Variants in AKAP19 observed in about 807,000 individuals in gnomAD.
AKAP19 encodes the protein A-kinase anchoring protein 19.
the AKAP19 span, among the ~76,000 whole-genome samples, chr2:190,009,339 C>T: frequency 1.3e-5 from 2 of 152,098 alleles, no homozygotes; most frequent in Admixed American, 1.3e-4. Flanking sequence ...TTTAGGATAT[C>T]GTGGTGGCTC....
the AKAP19 span, among the ~76,000 whole-genome samples, chr2:190,118,342 A>G: frequency 1.3e-5 from 2 of 152,250 alleles, no homozygotes; most frequent in African/African-American, 2.4e-5. Context: ...ATAGAAAAAG[A>G]GGGAATCCTC....
the AKAP19 span, among the ~76,000 whole-genome samples, chr2:189,934,614 T>C: frequency 1.9e-3 from 284 of 151,918 alleles, no homozygotes; most frequent in African/African-American, 6.4e-3. Flanking sequence ...ATACTTAGTT[T>C]TACATAATCT....
chr2:190,060,040 G>T, the AKAP19 span: 1 of 1,604,870 alleles, frequency 6.2e-7, no homozygotes, highest in Admixed American at 1.7e-5. Context: ...TTATTATAAT[G>T]TTATTTTCAG....
chr2:190,036,377 T>C, the AKAP19 span, among the ~76,000 whole-genome samples: 3 of 152,116 alleles, frequency 2.0e-5, no homozygotes, highest in Non-Finnish European at 4.4e-5. Flanking sequence ...AATCAGGCTG[T>C]ATCTTACAAG....
chr2:189,922,052 T>C, the AKAP19 span, among the ~76,000 whole-genome samples: 12 of 152,032 alleles, frequency 7.9e-5, no homozygotes, highest in Non-Finnish European at 1.6e-4. Flanking sequence ...GAGGTAACAA[T>C]AAAGTAGAAA....
At chr2:189,935,270 A>G in the AKAP19 span, among the ~76,000 whole-genome samples, 2 of 151,906 alleles carry the variant, frequency 1.3e-5, no homozygotes, top group Non-Finnish European at 2.9e-5. Context: ...AGTCATTTGG[A>G]GTTCAGACAT....
At chr2:190,027,339 T>A in the AKAP19 span, among the ~76,000 whole-genome samples, 1 of 152,176 alleles carries the variant, frequency 6.6e-6, no homozygotes, top group Non-Finnish European at 1.5e-5. Flanking sequence ...ACTAGCTAAT[T>A]TCTCTATCAA....
the AKAP19 span, among the ~76,000 whole-genome samples, chr2:189,981,103 T>A: frequency 1.3e-5 from 2 of 152,214 alleles, no homozygotes; most frequent in African/African-American, 4.8e-5. Context: ...TCTAATGCTG[T>A]CAATGGGGTT....
chr2:190,187,327 C>G, the AKAP19 span, among the ~76,000 whole-genome samples: 2 of 151,878 alleles, frequency 1.3e-5, no homozygotes, highest in South Asian at 4.2e-4. Context: ...GTAAAATAAA[C>G]CATCCCTGTT....
At chr2:190,053,437 T>C in the AKAP19 span, among the ~76,000 whole-genome samples, 2 of 152,180 alleles carry the variant, frequency 1.3e-5, no homozygotes, top group Admixed American at 1.3e-4. Context: ...CTAGCGTAAA[T>C]ATACTCATTT....
the AKAP19 span, among the ~76,000 whole-genome samples, chr2:190,085,300 T>G: frequency 2.6e-5 from 4 of 152,252 alleles, no homozygotes. Flanking sequence ...ATTTACAATA[T>G]TTTATATGCA....
the AKAP19 span, among the ~76,000 whole-genome samples, chr2:190,007,687 G>A: frequency 2.0e-5 from 3 of 152,338 alleles, no homozygotes; most frequent in African/African-American, 7.2e-5. Context: ...CTGGCCAGGC[G>A]CGGTGGCTTA....
At chr2:190,020,410 A>G in the AKAP19 span, among the ~76,000 whole-genome samples, 1 of 152,184 alleles carries the variant, frequency 6.6e-6, no homozygotes, top group Non-Finnish European at 1.5e-5. Flanking sequence ...TACCTAAATT[A>G]TATTTTTTGC....
the AKAP19 span, among the ~76,000 whole-genome samples, chr2:189,954,355 AAAGATCAGAACATATGAT>A: frequency 2.1e-4 from 32 of 152,342 alleles, no homozygotes; most frequent in East Asian, 1.9e-3. Context: ...TTGCAAATGA[AAAGATCAGAACATATGAT>A]AAGATCAGAA....
the AKAP19 span, among the ~76,000 whole-genome samples, chr2:189,968,180 A>G: frequency 2.9e-4 from 44 of 152,336 alleles, no homozygotes; most frequent in South Asian, 8.7e-3. Flanking sequence ...AGTGATAGAT[A>G]TAATTTCTGA....
chr2:190,061,329 G>A, the AKAP19 span, among the ~76,000 whole-genome samples: 2 of 152,132 alleles, frequency 1.3e-5, no homozygotes, highest in Non-Finnish European at 1.5e-5. Flanking sequence ...CAAGGTGCCT[G>A]TTTCTCTTTC....
At chr2:189,898,752 C>T in the AKAP19 span, among the ~76,000 whole-genome samples, 1 of 152,154 alleles carries the variant, frequency 6.6e-6, no homozygotes, top group Non-Finnish European at 1.5e-5. Context: ...GCTCTAATCA[C>T]TTCTGGCCTC....
chr2:190,050,591 T>C, the AKAP19 span, among the ~76,000 whole-genome samples: 5 of 152,214 alleles, frequency 3.3e-5, no homozygotes, highest in Non-Finnish European at 5.9e-5. Context: ...GAATTAATAA[T>C]GTGGTTTATT....
At chr2:190,104,217 C>T in the AKAP19 span, among the ~76,000 whole-genome samples, 1 of 152,142 alleles carries the variant, frequency 6.6e-6, no homozygotes, top group African/African-American at 2.4e-5. Flanking sequence ...AATGTAAGAC[C>T]TCAAACTGTA....
Sources: gnomAD v4.1 joint callset for allele counts (sites outside exome capture counted in the v4.1 genomes callset) on GRCh38, gnomAD v4.1.1 for gene constraint, MANE v1.5 for transcripts, NCBI Gene and HGNC (gene_info 2026-07-23, HGNC 2026-07-21) for gene names.